The following CSMD3 variants were observed in gnomAD, a reference collection of about 807,000 sequenced individuals.
CSMD3 encodes the protein CUB and Sushi multiple domains 3.
In CSMD3, 177 loss-of-function variants were observed where a neutral mutation model predicts 435.2. The observed-to-expected ratio is 0.41, with a 90% CI of 0.36 to 0.46. The LOEUF (loss-of-function observed/expected upper bound fraction) is 0.46, where lower values mean the gene tolerates loss of function less well. Among genes scored for constraint, CSMD3 ranks in the 20% least tolerant of loss-of-function variants. CSMD3 has a pLI of 0.34. For synonymous variants in CSMD3, 1,656 were observed against 1,520.5 expected (o/e 1.09, Z -2.07); for missense variants, 4,265 against 4,504.6 (o/e 0.95, Z 1.52).
rs117477146 is a variant in CSMD3 at position 112,955,752 on chromosome 8, T to A, written c.1343-991A>T. Among the ~76,000 whole-genome samples, 41 of 152,026 alleles carry A rather than the reference T, an allele frequency of 2.7e-4. 1 individual carries two copies. In the East Asian group the frequency reaches 7.3e-3, roughly 27 times the overall value. ...TGCTCAGTTACAGTGTGGAAATCTT[T>A]ACATATTACTTTTTATCAGGTTTAT... On this transcript the variant is annotated intron_variant, in intron 7 of 70. Coordinates refer to ENST00000297405, the MANE Select transcript of CSMD3 (RefSeq NM_198123.2).
chr8:113,379,593 A>C (rs1031124824), intron 1 of CSMD3, among the ~76,000 whole-genome samples: 2 of 152,146 alleles, frequency 1.3e-5, no homozygotes, highest in Non-Finnish European at 2.9e-5. Context: ...TATCAGTAAT[A>C]AAAATAGAAA....
intron 22 of CSMD3, among the ~76,000 whole-genome samples, chr8:112,593,078 C>A (rs1370470926): frequency 2.0e-5 from 3 of 152,050 alleles, no homozygotes; most frequent in South Asian, 2.1e-4. Context: ...GGATTCCAGG[C>A]AGAGTGAAAT....
At chr8:113,377,170 CA>C (rs2094390899) in intron 1 of CSMD3, 1 of 1,244,318 alleles carries the variant, frequency 8.0e-7, no homozygotes, top group Admixed American at 2.9e-5. Context: ...GGAAACCCTG[CA>C]AACCCTACAT....
At chr8:112,722,186 T>C (rs61428202) in intron 13 of CSMD3, among the ~76,000 whole-genome samples, 1,668 of 139,814 alleles carry the variant, frequency 0.012, 33 homozygotes, top group African/African-American at 0.042. Context: ...AAAAATTCAG[T>C]GAAAAGAGAA....
chr8:112,276,017 C>T (rs567512304), intron 59 of CSMD3, among the ~76,000 whole-genome samples: 2 of 152,266 alleles, frequency 1.3e-5, no homozygotes, highest in South Asian at 2.1e-4. Context: ...GTACTTCCAC[C>T]TATGAACCTA....
chr8:112,841,776 GA>G (rs374997073), intron 11 of CSMD3, among the ~76,000 whole-genome samples: 3,321 of 150,256 alleles, frequency 0.022, 64 homozygotes, highest in Middle Eastern at 0.048. Context: ...GTCTTAGCAG[GA>G]AAAAAAAAGG....
chr8:112,483,232 C>T (rs950171098), intron 31 of CSMD3, among the ~76,000 whole-genome samples: 1 of 152,086 alleles, frequency 6.6e-6, no homozygotes, highest in Non-Finnish European at 1.5e-5. Flanking sequence ...GGCTCACGCA[C>T]ATAATCCTAG....
chr8:112,656,715 A>T (rs1268286442), intron 17 of CSMD3, among the ~76,000 whole-genome samples: 2 of 152,098 alleles, frequency 1.3e-5, no homozygotes, highest in African/African-American at 4.8e-5. Context: ...AGATAATTAG[A>T]TTATCATCTT....
At chr8:113,178,161 C>A (rs11996690) in intron 3 of CSMD3, among the ~76,000 whole-genome samples, 20,812 of 151,808 alleles carry the variant, frequency 0.14, 2,598 homozygotes, top group African/African-American at 0.33. Context: ...TGAGTATCAG[C>A]TTTGATAGGC....
intron 10 of CSMD3, among the ~76,000 whole-genome samples, chr8:112,873,997 T>A (rs1293769921): frequency 6.6e-6 from 1 of 152,164 alleles, no homozygotes; most frequent in Non-Finnish European, 1.5e-5. Context: ...TTAATTGTGA[T>A]GTTAGGGTGT....
At chr8:112,470,854 T>C (rs1341176884) in intron 32 of CSMD3, among the ~76,000 whole-genome samples, 2 of 151,942 alleles carry the variant, frequency 1.3e-5, no homozygotes, top group Admixed American at 6.6e-5. Flanking sequence ...ATAAAATTAG[T>C]TTTTTACTAA....
chr8:112,454,650 A>G (rs1339227622), intron 32 of CSMD3, among the ~76,000 whole-genome samples: 1 of 152,116 alleles, frequency 6.6e-6, no homozygotes, highest in African/African-American at 2.4e-5. Flanking sequence ...GGGAATGTAA[A>G]TTAGGTCAGC....
chr8:112,600,906 T>G (rs1403884586), intron 22 of CSMD3, among the ~76,000 whole-genome samples: 1 of 152,084 alleles, frequency 6.6e-6, no homozygotes, highest in East Asian at 1.9e-4. Context: ...CTCGATCTCG[T>G]GATCCATCCT....
chr8:112,359,305 T>C (rs1563837869), intron 38 of CSMD3, among the ~76,000 whole-genome samples: 1 of 152,192 alleles, frequency 6.6e-6, no homozygotes, highest in Non-Finnish European at 1.5e-5. Flanking sequence ...TTCTCTCTGA[T>C]AGATATTCTT....
At chr8:113,333,562 C>T (rs768569752) in intron 1 of CSMD3, among the ~76,000 whole-genome samples, 6 of 151,538 alleles carry the variant, frequency 4.0e-5, no homozygotes, top group Non-Finnish European at 8.9e-5. Context: ...GCTTTTATAC[C>T]TTTCTCAAAA....
chr8:112,898,002 C>T (rs572079189), intron 10 of CSMD3, among the ~76,000 whole-genome samples: 3 of 150,958 alleles, frequency 2.0e-5, no homozygotes, highest in African/African-American at 4.8e-5. Flanking sequence ...AAGTATGTCC[C>T]GCTGTCTTTA....
chr8:112,270,599 C>T (rs1817436914), intron 59 of CSMD3, among the ~76,000 whole-genome samples: 1 of 151,980 alleles, frequency 6.6e-6, no homozygotes, highest in African/African-American at 2.4e-5. Flanking sequence ...GCAAAGTGCC[C>T]AATGATAGTA....
At chr8:112,829,961 T>C in intron 11 of CSMD3, among the ~76,000 whole-genome samples, 172 bp from the exon 12 acceptor site, 1 of 151,664 alleles carries the variant, frequency 6.6e-6, no homozygotes, top group East Asian at 1.9e-4. Flanking sequence ...TATATATAAT[T>C]TCATAGTATG....
intron 24 of CSMD3, among the ~76,000 whole-genome samples, chr8:112,559,958 A>C (rs1400544082): frequency 6.6e-6 from 1 of 151,754 alleles, no homozygotes; most frequent in Non-Finnish European, 1.5e-5. Context: ...AAAAACTTTT[A>C]CTTGTGTCCT....
Sources: gnomAD v4.1 joint callset for allele counts (sites outside exome capture counted in the v4.1 genomes callset) on GRCh38, gnomAD v4.1.1 for gene constraint, MANE v1.5 for transcripts, NCBI Gene and HGNC (gene_info 2026-07-23, HGNC 2026-07-21) for gene names.